The following MACROD2 variants were observed in gnomAD, a reference collection of about 807,000 sequenced individuals.
MACROD2 encodes mono-ADP ribosylhydrolase 2.
In MACROD2, 36 loss-of-function variants were observed where a neutral mutation model predicts 70.4. That is an observed-to-expected ratio of 0.51 (90% CI 0.39 to 0.68). MACROD2 has a LOEUF of 0.68. Among genes scored for constraint, MACROD2 ranks in the 30% least tolerant of loss-of-function variants. The pLI is 0.00. For missense variants in MACROD2, 496 were observed against 538.4 expected (o/e 0.92, Z 0.78); for synonymous variants, 172 against 178.8 (o/e 0.96, Z 0.30).
At chr20:15,032,095 G>C (rs2075279660) in intron 5 of MACROD2, among the ~76,000 whole-genome samples, 2 of 152,206 alleles carry the variant, frequency 1.3e-5, no homozygotes, top group Non-Finnish European at 1.5e-5. Flanking sequence ...GAGTGCCTGG[G>C]CTTAGCCACA....
At chr20:15,711,044 T>C (rs116551979) in intron 8 of MACROD2, among the ~76,000 whole-genome samples, 377 of 152,354 alleles carry the variant, frequency 2.5e-3, no homozygotes, top group African/African-American at 8.6e-3. Context: ...ATTTTATTGC[T>C]TTAATATTTT....
chr20:15,903,226 C>T (rs1448134549), intron 10 of MACROD2, among the ~76,000 whole-genome samples: 2 of 152,084 alleles, frequency 1.3e-5, no homozygotes, highest in Admixed American at 6.6e-5. Flanking sequence ...CCTGTAATTC[C>T]GGCTACTTCA....
chr20:15,578,671 A>G (rs1197336135), intron 8 of MACROD2, among the ~76,000 whole-genome samples: 2 of 23,132 alleles, frequency 8.6e-5, no homozygotes, highest in Non-Finnish European at 7.2e-4. Flanking sequence ...AGAAGGAGGA[A>G]CAAGGGGCTC....
chr20:15,036,496 A>C (rs1341249572), intron 5 of MACROD2, among the ~76,000 whole-genome samples: 2 of 152,176 alleles, frequency 1.3e-5, no homozygotes, highest in African/African-American at 4.8e-5. Context: ...TAGTTTAACA[A>C]GCCCTTCAGC....
chr20:15,946,162 C>T (rs1419957806), intron 12 of MACROD2, among the ~76,000 whole-genome samples: 2 of 152,166 alleles, frequency 1.3e-5, no homozygotes, highest in East Asian at 1.9e-4. Flanking sequence ...AGACCCTGCA[C>T]GTGCCTTACG....
chr20:15,997,835 A>G lies in MACROD2; in HGVS notation c.1153+10677A>G, dbSNP rs575966864. ...GATGACAGCTGTGGGCTTGTCATAT[A>G]TGGCCTTTATTATGTTGGAGTACAT... On this transcript the variant is annotated intron_variant, in intron 15 of 17. Coordinates refer to ENST00000684519, the MANE Select transcript of MACROD2 (RefSeq NM_001351661.2). Among the ~76,000 whole-genome samples the G allele has an allele frequency of 1.1e-3, 168 of 152,224 alleles. 3 individuals carry two copies. In the South Asian group the frequency reaches 0.034, roughly 30 times the overall value.
At chr20:14,564,028 A>C (rs1979615087) in intron 4 of MACROD2, among the ~76,000 whole-genome samples, 1 of 152,010 alleles carries the variant, frequency 6.6e-6, no homozygotes, top group Admixed American at 6.6e-5. Context: ...AAGAGAACCC[A>C]AAAATAAGGC....
intron 3 of MACROD2, among the ~76,000 whole-genome samples, chr20:14,359,897 C>T (rs2083205873): frequency 6.6e-6 from 1 of 151,826 alleles, no homozygotes; most frequent in South Asian, 2.1e-4. Context: ...GGAATATATA[C>T]ACAATAGAAT....
At chr20:15,610,923 A>G (rs1295082073) in intron 8 of MACROD2, among the ~76,000 whole-genome samples, 1 of 150,122 alleles carries the variant, frequency 6.7e-6, no homozygotes, top group Non-Finnish European at 1.5e-5. Flanking sequence ...CAGGCTATTC[A>G]GATGACTGGG....
At chr20:15,126,794 A>G (rs180688132) in intron 5 of MACROD2, among the ~76,000 whole-genome samples, 78 of 152,250 alleles carry the variant, frequency 5.1e-4, no homozygotes, top group Non-Finnish European at 1.0e-3. Context: ...GGCCAGCTGT[A>G]TAATTGGGAC....
chr20:15,504,447 T>A (rs750803219), intron 8 of MACROD2, among the ~76,000 whole-genome samples: 55 of 152,288 alleles, frequency 3.6e-4, no homozygotes, highest in Non-Finnish European at 5.9e-5. Flanking sequence ...AAAAACATGA[T>A]GACTCTTGAG....
In MACROD2 at chr20:14,808,777, G is replaced by A. The variant is rs549388996; in HGVS notation, c.418+123818G>A. ...AATGGAAAGAAAAAAAAAAAAGCAGGGGTTGTAATCCCAGTTTCTGATAAA... is the reference window on the plus strand; with the variant it reads ...AATGGAAAGAAAAAAAAAAAAGCAGAGGTTGTAATCCCAGTTTCTGATAAA... On this transcript the variant is annotated intron_variant, in intron 5 of 17. Transcript: ENST00000684519. 5.9e-4 allele frequency among the ~76,000 whole-genome samples: 89 copies of A among 151,774 alleles called. 1 individual carries two copies. The highest frequency in any genetic ancestry group is 2.0e-3 in the African/African-American group (82 of 41,440).
intron 3 of MACROD2, among the ~76,000 whole-genome samples, chr20:14,215,848 T>G (rs575643462): frequency 2.4e-4 from 36 of 152,300 alleles, no homozygotes; most frequent in African/African-American, 7.9e-4. Context: ...TAGCCCACTT[T>G]TTGATGGGAT....
At chr20:14,101,252 T>C (rs148120367) in intron 3 of MACROD2, among the ~76,000 whole-genome samples, 93 of 152,140 alleles carry the variant, frequency 6.1e-4, no homozygotes, top group African/African-American at 1.9e-3. Context: ...CCCGATTTTA[T>C]TGGGAATGAC....
chr20:15,118,606 C>T (rs1406150539), intron 5 of MACROD2, among the ~76,000 whole-genome samples: 2 of 152,116 alleles, frequency 1.3e-5, no homozygotes, highest in East Asian at 3.9e-4. Context: ...CATTTGTCCT[C>T]AGTTTCAAAG....
At position 15,639,266 on chromosome 20, in the gene MACROD2, G is replaced by A. The variant is rs559012332; in HGVS notation, c.645+139419G>A. On this transcript the variant is annotated intron_variant, in intron 8 of 17. Transcript: ENST00000684519. ...TATATGCCAGGAAAATATTTTTGAT[G>A]AAAATGAAATGGTAGGGAGGGTTAG... Among the ~76,000 whole-genome samples, 18 of 152,284 alleles carry A rather than the reference G, an allele frequency of 1.2e-4. 1 individual carries two copies. In the South Asian group the frequency reaches 3.7e-3, roughly 32 times the overall value.
At chr20:14,772,824 C>A (rs1451084888) in intron 5 of MACROD2, among the ~76,000 whole-genome samples, 1 of 152,054 alleles carries the variant, frequency 6.6e-6, no homozygotes, top group African/African-American at 2.4e-5. Flanking sequence ...AGTAGTTATT[C>A]CAGAAAAGAT....
At chr20:14,867,376 T>C (rs956158067) in intron 5 of MACROD2, among the ~76,000 whole-genome samples, 2 of 152,130 alleles carry the variant, frequency 1.3e-5, no homozygotes, top group African/African-American at 2.4e-5. Flanking sequence ...ACTGCAAATA[T>C]GCCAGGTGAC....
chr20:15,724,475 A>ATT lies in MACROD2; in HGVS notation c.646-138263_646-138262dup, dbSNP rs58868076. Among the ~76,000 whole-genome samples the ATT allele has an allele frequency of 1.6e-3, 244 of 151,650 alleles. 1 individual carries two copies. The highest frequency in any genetic ancestry group is 7.4e-3 in the East Asian group (38 of 5,148). On this transcript the variant is annotated intron_variant, in intron 8 of 17. Transcript: ENST00000684519. ...AGGTGTAAGGTCTTTGTCTAAATTC[A>ATT]TTTTTTTTGTTTTTTTGTTTTGCAT...
Sources: gnomAD v4.1 joint callset for allele counts (sites outside exome capture counted in the v4.1 genomes callset) on GRCh38, gnomAD v4.1.1 for gene constraint, MANE v1.5 for transcripts, NCBI Gene and HGNC (gene_info 2026-07-23, HGNC 2026-07-21) for gene names.